Variants in ZNF469 observed in about 807,000 individuals in gnomAD.
ZNF469 encodes the protein zinc finger protein 469.
In ZNF469, 1 loss-of-function variant was observed where a neutral mutation model predicts 1.0. That is an observed-to-expected ratio of 1.00 (90% CI 0.35 to 4.73). ZNF469 has a LOEUF of 4.73. Ranked by LOEUF, ZNF469 falls within the 30% of genes most tolerant of loss-of-function variation. The pLI, the probability that ZNF469 is intolerant of heterozygous loss-of-function variation, is 0.16. For synonymous variants in ZNF469, 2,703 were observed against 2,363.4 expected (o/e 1.14, Z -4.17); for missense variants, 6,100 against 5,356.3 (o/e 1.14, Z -4.33).
At chr16:88,381,532 G>A (rs2092525391), upstream of ZNF469, among the ~76,000 whole-genome samples, 1 of 152,218 alleles carries the variant, frequency 6.6e-6, no homozygotes, top group South Asian at 2.1e-4. Flanking sequence ...TCCACAGCCA[G>A]GGGACCCCTG....
chr16:88,141,390 G>A, the ZNF469 span, among the ~76,000 whole-genome samples: 45 of 146,472 alleles, frequency 3.1e-4, no homozygotes, highest in African/African-American at 9.2e-4. Context: ...CCTGGTCCCC[G>A]GAGCCTGCTA....
chr16:88,301,968 ATTG>A, the ZNF469 span, among the ~76,000 whole-genome samples: 2 of 152,108 alleles, frequency 1.3e-5, no homozygotes, highest in African/African-American at 4.8e-5. Context: ...TTACATATAC[ATTG>A]TTGTGCTCAC....
At chr16:88,120,378 G>A in the ZNF469 span, among the ~76,000 whole-genome samples, 1 of 152,258 alleles carries the variant, frequency 6.6e-6, no homozygotes, top group Non-Finnish European at 1.5e-5. Flanking sequence ...TCGGAGCTTG[G>A]TGCTCATTTC....
At chr16:88,230,163 A>T in the ZNF469 span, among the ~76,000 whole-genome samples, 2 of 152,168 alleles carry the variant, frequency 1.3e-5, no homozygotes, top group African/African-American at 4.8e-5. Context: ...GATGGAATGA[A>T]GATTTTGGGT....
At chr16:88,331,479 CCATCATCAT>C in the ZNF469 span, among the ~76,000 whole-genome samples, 1 of 150,042 alleles carries the variant, frequency 6.7e-6, no homozygotes, top group South Asian at 2.2e-4. Context: ...ACCATCATCA[CCATCATCAT>C]CACTATTGTT....
chr16:88,430,947 C>A lies in ZNF469; in HGVS notation c.3477C>A (p.Gly1159=). 6.5e-7 allele frequency: 1 copy of A among 1,534,646 alleles called. No individual in the cohort carries two copies. The highest frequency in any genetic ancestry group is 8.7e-7 in the Non-Finnish European group (1 of 1,144,604). Reference sequence around the variant, plus strand: ...CCCCCGCGAACCCCGAGGAGCCGGGCGGGTCTCGCCCGGGCCCCGGCAGGA... The same window carrying A: ...CCCCCGCGAACCCCGAGGAGCCGGGAGGGTCTCGCCCGGGCCCCGGCAGGA... ...DGAPANPEEP[G]GSRPGPGRSP... is the part of the protein sequence containing the mutation. The change falls in exon 3 of 3, where the codon GGC becomes GGA. Residue 1159 remains glycine (G), a synonymous_variant. Transcript: ENST00000565624.
the ZNF469 span, among the ~76,000 whole-genome samples, chr16:88,162,464 T>A: frequency 6.6e-6 from 1 of 152,050 alleles, no homozygotes; most frequent in African/African-American, 2.4e-5. Context: ...ATAATTATTC[T>A]GCTTGTTTTT....
At chr16:88,422,925 TGATG>T (rs1230323776) in intron 1 of ZNF469, among the ~76,000 whole-genome samples, 1 of 141,488 alleles carries the variant, frequency 7.1e-6, no homozygotes, top group South Asian at 2.3e-4. Flanking sequence ...GGTGGATGGG[TGATG>T]GATGGGTGGA....
At chr16:88,226,800 C>G in the ZNF469 span, among the ~76,000 whole-genome samples, 7 of 149,888 alleles carry the variant, frequency 4.7e-5, no homozygotes, top group African/African-American at 1.5e-4. Context: ...GTGGTTTCAC[C>G]GTCTTATTTG....
chr16:88,383,334 C>G (rs1394188739), intron 1 of ZNF469, among the ~76,000 whole-genome samples, 80 bp downstream of exon 1: 4 of 147,514 alleles, frequency 2.7e-5, no homozygotes, highest in Non-Finnish European at 4.5e-5. Context: ...TGTCACCGGG[C>G]TGCGCGGGGG....
chr16:88,338,210 G>A, the ZNF469 span, among the ~76,000 whole-genome samples: 26 of 152,170 alleles, frequency 1.7e-4, no homozygotes, highest in Non-Finnish European at 1.2e-4. Context: ...CGCCTGGGGA[G>A]AGACCCTCTG....
the ZNF469 span, among the ~76,000 whole-genome samples, chr16:88,131,007 C>G: frequency 6.6e-6 from 1 of 152,208 alleles, no homozygotes; most frequent in Non-Finnish European, 1.5e-5. Flanking sequence ...TTCTCCTGTT[C>G]CTGCGTGGCT....
the ZNF469 span, among the ~76,000 whole-genome samples, chr16:88,170,869 C>T: frequency 3.9e-5 from 6 of 152,024 alleles, no homozygotes; most frequent in African/African-American, 1.2e-4. The surrounding 1 kb of genome is among the most constrained non-coding windows in gnomAD (Gnocchi z 4.2). Context: ...AACTGACTTT[C>T]CCTCCAACCG....
At chr16:88,192,280 A>G in the ZNF469 span, 1 of 152,218 alleles carries the variant, frequency 6.6e-6, no homozygotes, top group African/African-American at 2.4e-5. Flanking sequence ...TGTCAGGTCT[A>G]AGGCTGCTGG....
At chr16:88,370,947 T>G in the ZNF469 span, among the ~76,000 whole-genome samples, 1 of 152,244 alleles carries the variant, frequency 6.6e-6, no homozygotes, top group Non-Finnish European at 1.5e-5. Context: ...CCAGGCTACC[T>G]GCTGGAGGAT....
chr16:88,117,241 A>T, the ZNF469 span, among the ~76,000 whole-genome samples: 1 of 150,258 alleles, frequency 6.7e-6, no homozygotes, highest in African/African-American at 2.5e-5. Context: ...AGAGCTGGGG[A>T]CGTGTGAGAG....
At chr16:88,358,509 C>T in the ZNF469 span, among the ~76,000 whole-genome samples, 2 of 152,114 alleles carry the variant, frequency 1.3e-5, no homozygotes, top group Non-Finnish European at 2.9e-5. Flanking sequence ...CAGGAATCCT[C>T]CCTAGAGGCA....
the ZNF469 span, among the ~76,000 whole-genome samples, chr16:88,193,102 ATGG>A: frequency 6.6e-5 from 2 of 30,522 alleles, no homozygotes; most frequent in Non-Finnish European, 1.3e-4. Flanking sequence ...GATGGTGTTG[ATGG>A]TGGTGGTGGT....
the ZNF469 span, among the ~76,000 whole-genome samples, chr16:88,122,188 ATCCCGT>A: frequency 2.7e-5 from 4 of 147,196 alleles, no homozygotes; most frequent in Middle Eastern, 3.5e-3. Context: ...CTCGGATTGC[ATCCCGT>A]CACTCAATAG....
Sources: allele counts gnomAD v4.1 joint callset (sites outside exome capture counted in the v4.1 genomes callset), GRCh38; gene constraint gnomAD v4.1.1; non-coding constraint Gnocchi (gnomAD v3.1); transcripts MANE v1.5; gene names NCBI Gene and HGNC (gene_info 2026-07-23, HGNC 2026-07-21).